Variants in MAML3 observed in about 807,000 individuals in gnomAD.
MAML3 encodes the protein mastermind like transcriptional coactivator 3, also known as mastermind-like protein 3.
MAML3 carries 27 observed loss-of-function variants against 101.9 expected under a neutral mutation model. The ratio of observed to expected loss-of-function variants is 0.27; its 90% CI spans 0.20 to 0.37. MAML3 has a LOEUF of 0.37. MAML3 is among the 10% of genes least tolerant of loss of function. The probability of loss-of-function intolerance (pLI) is 1.00; values close to 1 mark genes in which losing one functional copy is unlikely to be tolerated. For missense variants in MAML3, 1,316 were observed against 1,444.9 expected, an observed-to-expected ratio of 0.91 and a Z score of 1.45; for synonymous variants, 501 against 555.9, an observed-to-expected ratio of 0.90 and a Z score of 1.39.
At chr4:140,092,288 A>G (rs1310197273) in intron 1 of MAML3, among the ~76,000 whole-genome samples, 1 of 151,864 alleles carries the variant, frequency 6.6e-6, no homozygotes, top group African/African-American at 2.4e-5. Context: ...TCTTCAAGGT[A>G]AACCAACTAT....
chr4:140,153,526 C>T lies in MAML3; in HGVS notation c.-199G>A. On this transcript the variant is annotated 5_prime_UTR_variant, in exon 1 of 5. Coordinates refer to ENST00000509479, the MANE Select transcript of MAML3 (RefSeq NM_018717.5). The stretch of plus-strand genomic sequence containing the variant: ...GTGGTTTTTGTTTCCTTTTTTTAAA[C>T]TGTAAAAGCTCAAGGGGAAGAAAAG... 1.8e-6 allele frequency: 1 copy of T among 566,364 alleles called. No homozygotes were observed. Among genetic ancestry groups the T allele is most frequent in the Non-Finnish European group, 3.0e-6 (1 of 334,024 alleles). The allele number at this position is 566,364 out of a possible 1,614,324, so 35.1% of individuals were successfully genotyped here. A position where few individuals can be genotyped will look rare whatever the true frequency, so the allele number is the denominator to read the frequency against.
intron 1 of MAML3, among the ~76,000 whole-genome samples, chr4:140,031,379 A>G (rs906308460): frequency 6.6e-6 from 1 of 152,220 alleles, no homozygotes; most frequent in South Asian, 2.1e-4. Context: ...ATATTTAAAA[A>G]TGGACTAAGT....
At chr4:139,974,557 C>T (rs951874040) in intron 1 of MAML3, among the ~76,000 whole-genome samples, 7 of 151,988 alleles carry the variant, frequency 4.6e-5, no homozygotes, top group African/African-American at 9.7e-5. Flanking sequence ...GCTAGTTGAG[C>T]GAATTTGGCA....
At chr4:139,930,334 A>G (rs894087077) in intron 1 of MAML3, among the ~76,000 whole-genome samples, 29 of 152,102 alleles carry the variant, frequency 1.9e-4, no homozygotes, top group African/African-American at 6.3e-4. Context: ...AGAGTTTGTG[A>G]GCAGAGTTCA....
At chr4:140,119,195 A>C (rs965368435) in intron 1 of MAML3, among the ~76,000 whole-genome samples, 1 of 152,118 alleles carries the variant, frequency 6.6e-6, no homozygotes, top group Non-Finnish European at 1.5e-5. Flanking sequence ...ACAATAGAAA[A>C]ACCTATTCAG....
intron 2 of MAML3, among the ~76,000 whole-genome samples, chr4:139,799,777 C>T (rs575774974): frequency 6.6e-6 from 1 of 152,296 alleles, no homozygotes; most frequent in African/African-American, 2.4e-5. Flanking sequence ...CCTCTGACAT[C>T]AAGTGAGGAG....
chr4:139,878,026 T>C (rs1732146693), intron 2 of MAML3, among the ~76,000 whole-genome samples: 3 of 152,302 alleles, frequency 2.0e-5, no homozygotes, highest in Middle Eastern at 6.8e-3. Context: ...AACTGCTGTG[T>C]CCAGATAGAC....
At chr4:139,953,918 T>C (rs957490690) in intron 1 of MAML3, among the ~76,000 whole-genome samples, 1 of 152,160 alleles carries the variant, frequency 6.6e-6, no homozygotes, top group East Asian at 1.9e-4. Context: ...AGGGGTTGCT[T>C]CTTCTATTAG....
chr4:140,150,244 T>C (rs1729136138), intron 1 of MAML3, among the ~76,000 whole-genome samples: 1 of 152,322 alleles, frequency 6.6e-6, no homozygotes. Context: ...CTGATGTCTC[T>C]GTCTATTGAA....
At chr4:139,934,474 A>G (rs754538260) in intron 1 of MAML3, among the ~76,000 whole-genome samples, 7 of 152,156 alleles carry the variant, frequency 4.6e-5, no homozygotes, top group Non-Finnish European at 7.4e-5. Flanking sequence ...CCGAGTTTTC[A>G]GCTGTGCATG....
rs866305616 is a variant in MAML3 at position 140,119,507 on chromosome 4, C to T, written c.468+33353G>A. On this transcript the variant is annotated intron_variant, in intron 1 of 4. Transcript: ENST00000509479. ...TACAGTCATTACAGACTTCTTCTAT[C>T]GTATCTTCTGGAGAGACATTTTGGG... Among the ~76,000 whole-genome samples the T allele has an allele frequency of 2.0e-4, 30 of 152,248 alleles. No individual in the cohort carries two copies. In the Middle Eastern group the frequency reaches 0.017, roughly 86 times the overall value.
chr4:139,955,325 C>CTT (rs11393209), intron 1 of MAML3, among the ~76,000 whole-genome samples: 4,803 of 149,508 alleles, frequency 0.032, 113 homozygotes, highest in South Asian at 0.049. Flanking sequence ...GAAAACTTTA[C>CTT]TTTTTTTTTT....
intron 1 of MAML3, among the ~76,000 whole-genome samples, chr4:139,907,880 C>G (rs1374769528): frequency 6.6e-6 from 1 of 152,190 alleles, no homozygotes; most frequent in Non-Finnish European, 1.5e-5. Context: ...TAAGTGACAT[C>G]AAGGGTCTGA....
chr4:139,883,800 T>C (rs1193943727), intron 2 of MAML3, among the ~76,000 whole-genome samples: 2 of 151,808 alleles, frequency 1.3e-5, no homozygotes, highest in African/African-American at 4.8e-5. Flanking sequence ...GTGTATTACT[T>C]GGATAAGGTA....
At chr4:139,945,914 T>C (rs1733719325) in intron 1 of MAML3, among the ~76,000 whole-genome samples, 1 of 152,230 alleles carries the variant, frequency 6.6e-6, no homozygotes, top group South Asian at 2.1e-4. Context: ...AACTAATAGC[T>C]GTAATAAGGA....
rs1458371981 is a variant in MAML3 at position 139,989,371 on chromosome 4, TC to T, written c.469-98405del. Among the ~76,000 whole-genome samples the T allele has an allele frequency of 2.0e-5, 3 of 152,072 alleles. No individual in the cohort carries two copies. The East Asian group carries it at 5.8e-4, about 29-fold the overall frequency. On this transcript the variant is annotated intron_variant, in intron 1 of 4. Transcript: ENST00000509479. ...GAGGCGGCCAGGAAAATCAGAACCA[TC>T]GGCCTCCCCTGCGGCAGCATCTAAG... is the stretch of plus-strand genomic sequence containing the variant.
In MAML3 at chr4:140,033,053, G is replaced by C. The variant is rs1578651697; in HGVS notation, c.468+119807C>G. On this transcript the variant is annotated intron_variant, in intron 1 of 4. Transcript: ENST00000509479. ...GCTTCTAACCATGAACGGGTGTTCA[G>C]AGCATGAGTCTGTTTTGGAATTTCC... Among the ~76,000 whole-genome samples the C allele has an allele frequency of 4.6e-5, 7 of 152,306 alleles. No homozygotes were observed. The South Asian group carries it at 1.2e-3, about 27-fold the overall frequency.
At chr4:139,923,260 T>C (rs1005839) in intron 1 of MAML3, among the ~76,000 whole-genome samples, 53,004 of 151,898 alleles carry the variant, frequency 0.35, 10,088 homozygotes, top group East Asian at 0.64. Flanking sequence ...CAGCAAGGCT[T>C]TACCAGCCCC....
chr4:139,844,613 G>A (rs994761169), intron 2 of MAML3, among the ~76,000 whole-genome samples: 7 of 152,194 alleles, frequency 4.6e-5, no homozygotes, highest in Admixed American at 6.5e-5. Context: ...AGTGTGTACT[G>A]CTCTTAATCA....
Sources: allele counts gnomAD v4.1 joint callset (sites outside exome capture counted in the v4.1 genomes callset), GRCh38; gene constraint gnomAD v4.1.1; transcripts MANE v1.5; gene names NCBI Gene and HGNC (gene_info 2026-07-23, HGNC 2026-07-21).